Variants in NBEAL1 observed in about 807,000 individuals in gnomAD.
NBEAL1 encodes the protein neurobeachin-like protein 1.
Under a neutral mutation model 351.3 loss-of-function variants are expected in NBEAL1, and 273 were observed. The ratio of observed to expected loss-of-function variants is 0.78; its 90% CI spans 0.70 to 0.86. NBEAL1 has a LOEUF of 0.86. NBEAL1 is among the 40% of genes least tolerant of loss of function. The pLI, the probability that NBEAL1 is intolerant of heterozygous loss-of-function variation, is 0.00. For missense variants in NBEAL1, 2,961 were observed against 3,201.3 expected (o/e 0.92, Z 1.81); for synonymous variants, 1,050 against 1,086.4 (o/e 0.97, Z 0.66).
At chr2:203,087,446 C>G (rs185063777) in intron 10 of NBEAL1, among the ~76,000 whole-genome samples, 2 of 152,206 alleles carry the variant, frequency 1.3e-5, no homozygotes, top group East Asian at 3.9e-4. Flanking sequence ...TTTGATACAT[C>G]AATGTTATCG....
intron 10 of NBEAL1, among the ~76,000 whole-genome samples, chr2:203,094,486 A>G (rs2062135754): frequency 6.6e-6 from 1 of 152,234 alleles, no homozygotes; most frequent in Non-Finnish European, 1.5e-5. Flanking sequence ...CCCATTGGAA[A>G]CTTTGGCAAA....
Position 203,062,273 on chromosome 2 carries a change from C to G in NBEAL1, c.515+4820C>G, listed in dbSNP as rs762028129. On this transcript the variant is annotated intron_variant, in intron 6 of 55. Coordinates refer to ENST00000683969, the MANE Select transcript of NBEAL1 (RefSeq NM_001378026.1). This position sits in a 1 kb window ranked among gnomAD's most constrained non-coding sequence, Gnocchi z 4.2. The stretch of plus-strand genomic sequence containing the variant: ...ACATTCTGGTCTTCCCATTTGTTTT[C>G]TGTAGAAGCCAAATTCCTGAAGGTT... 3 of 464,414 alleles carry G rather than the reference C, an allele frequency of 6.5e-6. No individual in the cohort carries two copies. The highest frequency in any genetic ancestry group is 1.3e-5 in the Non-Finnish European group (3 of 230,868). The allele number at this position is 464,414 out of a possible 1,614,324, so 28.8% of individuals were successfully genotyped here.
Position 203,222,556 on chromosome 2 carries a change from A to G in NBEAL1, c.*5202A>G, listed in dbSNP as rs542542381. ...CACAAAAACAACAAAATCTCCTTTC[A>G]ATTGAGTTATTTTTATCATGAACTC... is the stretch of plus-strand genomic sequence containing the variant. On this transcript the variant is annotated 3_prime_UTR_variant, in exon 56 of 56. Coordinates refer to ENST00000683969, the MANE Select transcript of NBEAL1 (RefSeq NM_001378026.1). Among the ~76,000 whole-genome samples, 1 of 152,290 alleles carries G rather than the reference A, an allele frequency of 6.6e-6. No homozygotes were observed. Among genetic ancestry groups the G allele is most frequent in the East Asian group, 1.9e-4 (1 of 5,186 alleles).
chr2:203,036,718 T>TC (rs1039969365), intron 2 of NBEAL1, among the ~76,000 whole-genome samples: 32 of 149,290 alleles, frequency 2.1e-4, no homozygotes, highest in African/African-American at 7.3e-4. Context: ...TACTTTTTTT[T>TC]CCCTTATAGT....
intron 49 of NBEAL1, among the ~76,000 whole-genome samples, chr2:203,200,063 T>C (rs965997210): frequency 2.6e-5 from 4 of 152,202 alleles, no homozygotes; most frequent in Non-Finnish European, 5.9e-5. Context: ...CCTGTTTGTT[T>C]GCTTATATTT....
At chr2:203,067,603 C>A (rs150449731) in intron 6 of NBEAL1, among the ~76,000 whole-genome samples, 207 of 152,146 alleles carry the variant, frequency 1.4e-3, no homozygotes, top group African/African-American at 4.8e-3. Context: ...CATATTTAGA[C>A]GTACAGAATT....
At chr2:203,160,777 A>G (rs767555032) in intron 36 of NBEAL1, among the ~76,000 whole-genome samples, 34 of 152,166 alleles carry the variant, frequency 2.2e-4, no homozygotes, top group Admixed American at 9.2e-4. Flanking sequence ...TGTGTTGCCA[A>G]TGACGTCTCT....
At chr2:203,166,571 A>T (rs1223848963) in intron 37 of NBEAL1, among the ~76,000 whole-genome samples, 1 of 152,058 alleles carries the variant, frequency 6.6e-6, no homozygotes, top group Non-Finnish European at 1.5e-5. Context: ...TTTGAGATGG[A>T]GTTCCACTCT....
chr2:203,098,293 C>A (rs1316123979), intron 11 of NBEAL1, among the ~76,000 whole-genome samples: 1 of 151,850 alleles, frequency 6.6e-6, no homozygotes, highest in African/African-American at 2.4e-5. Flanking sequence ...TACATATTGT[C>A]TTTTATTAAC....
At chr2:203,134,620 T>A (rs1184662928) in intron 27 of NBEAL1, among the ~76,000 whole-genome samples, 1 of 152,190 alleles carries the variant, frequency 6.6e-6, no homozygotes, top group Non-Finnish European at 1.5e-5. Context: ...ACATAGAAGT[T>A]TATTGACTTT....
chr2:203,168,128 G>A (rs1317750081), intron 38 of NBEAL1, among the ~76,000 whole-genome samples: 1 of 152,184 alleles, frequency 6.6e-6, no homozygotes, highest in Non-Finnish European at 1.5e-5. Flanking sequence ...TTACAAGAAA[G>A]TTTTCCTTCA....
In NBEAL1 at chr2:203,138,718, T is replaced by C. The variant is rs771409040; in HGVS notation, c.4818T>C (p.Leu1606=). The part of the protein sequence containing the change: ...VKLSQIQIQL[L]LGFIGRGNLQ... ...TCTCTCAAATTCAGATCCAGTTGCT[T>C]CTAGGATTCATTGGAAGGGGTAATT... is the stretch of plus-strand genomic sequence containing the variant. Residue 1606 remains leucine, a synonymous_variant, in exon 31 of 56, where the codon CTT becomes CTC. Coordinates refer to ENST00000683969, the MANE Select transcript of NBEAL1 (RefSeq NM_001378026.1). The C allele has an allele frequency of 1.9e-6, 3 of 1,612,490 alleles. No homozygotes were observed. The highest frequency in any genetic ancestry group is 2.5e-6 in the Non-Finnish European group (3 of 1,179,560).
Position 203,068,380 on chromosome 2 carries a change from T to G in NBEAL1, c.516-13T>G. The G allele has an allele frequency of 6.9e-7, 1 of 1,454,344 alleles. No homozygotes were observed. Among genetic ancestry groups the G allele is most frequent in the Non-Finnish European group, 9.3e-7 (1 of 1,078,396 alleles). The allele number at this position is 1,454,344 out of a possible 1,614,324, so 90.1% of individuals were successfully genotyped here. A position where few individuals can be genotyped will look rare whatever the true frequency, so the allele number is the denominator to read the frequency against. ...CATGTTGTAACTTATTATTAACTTC[T>G]TTTTAATGATAGACGAATCCTTAGT... On this transcript the variant is annotated splice_polypyrimidine_tract_variant and intron_variant, in intron 6 of 55. Transcript: ENST00000683969.
At chr2:203,044,294 T>G (rs2061192151) in intron 3 of NBEAL1, among the ~76,000 whole-genome samples, 1 of 152,226 alleles carries the variant, frequency 6.6e-6, no homozygotes, top group African/African-American at 2.4e-5. Flanking sequence ...CAAAATAAAA[T>G]TATTTATTAC....
At chr2:203,203,503 C>A (rs571965990) in intron 51 of NBEAL1, among the ~76,000 whole-genome samples, 3 of 152,030 alleles carry the variant, frequency 2.0e-5, no homozygotes, top group South Asian at 4.2e-4. Context: ...ATTGTCTTAA[C>A]AGGCTTTCTC....
At chr2:203,107,011 T>C (rs1044366968) in intron 12 of NBEAL1, among the ~76,000 whole-genome samples, 23 of 152,310 alleles carry the variant, frequency 1.5e-4, no homozygotes, top group Non-Finnish European at 2.8e-4. Flanking sequence ...TTTAATTGGG[T>C]CTTTTTAGGC....
chr2:203,062,039 T>A lies in NBEAL1; in HGVS notation c.515+4586T>A. On this transcript the variant is annotated intron_variant, in intron 6 of 55. Coordinates refer to ENST00000683969, the MANE Select transcript of NBEAL1 (RefSeq NM_001378026.1). This position sits in a 1 kb window ranked among gnomAD's most constrained non-coding sequence, Gnocchi z 4.2. ...AATAGTTTGTGTCCAGAGTGAGATA[T>A]AATATACCTGTGAAGAGATGCATGA... 1 of 347,916 alleles carries A rather than the reference T, an allele frequency of 2.9e-6. No individual in the cohort carries two copies. The highest frequency in any genetic ancestry group is 2.2e-5 in the South Asian group (1 of 45,840). 21.6% of individuals were successfully genotyped at this position (347,916 alleles called of 1,614,324 possible). A position where few individuals can be genotyped will look rare whatever the true frequency, so the allele number is the denominator to read the frequency against.
intron 4 of NBEAL1, among the ~76,000 whole-genome samples, chr2:203,054,123 T>TA (rs1482331582): frequency 6.6e-6 from 1 of 152,038 alleles, no homozygotes; most frequent in Admixed American, 6.6e-5. Context: ...CCAATTGTTT[T>TA]AAAAAAATTA....
In NBEAL1 at chr2:203,157,763, T is replaced by C. The variant is rs2063835237; in HGVS notation, c.5652T>C (p.Val1884=). 1 of 1,596,428 alleles carries C rather than the reference T, an allele frequency of 6.3e-7. No individual in the cohort carries two copies. Among genetic ancestry groups the C allele is most frequent in the Non-Finnish European group, 8.5e-7 (1 of 1,171,756 alleles). ...TGGAAGTAGTGAAACAAGTAAAAGTTAGTGATATGGTGGAGGATAAATTAG... is the reference window on the plus strand; with the variant it reads ...TGGAAGTAGTGAAACAAGTAAAAGTCAGTGATATGGTGGAGGATAAATTAG... ...LLLEVVKQVK[V]SDMVEDKLDL... is the part of the protein sequence containing the mutation. The change falls in exon 36 of 56, where the codon GTT becomes GTC. Residue 1884 remains valine, a synonymous_variant. Coordinates refer to ENST00000683969, the MANE Select transcript of NBEAL1 (RefSeq NM_001378026.1).
Sources: allele counts gnomAD v4.1 joint callset (sites outside exome capture counted in the v4.1 genomes callset), GRCh38; gene constraint gnomAD v4.1.1; non-coding constraint Gnocchi (gnomAD v3.1); transcripts MANE v1.5; gene names NCBI Gene and HGNC (gene_info 2026-07-23, HGNC 2026-07-21).